The following STX2 variants were observed in gnomAD, a reference collection of about 807,000 sequenced individuals.
The protein encoded by STX2 is syntaxin 2, also known as syntaxin-2.
Under a neutral mutation model 40.6 loss-of-function variants are expected in STX2, and 27 were observed. The observed-to-expected ratio is 0.66, with a 90% confidence interval of 0.49 to 0.92. STX2 has a LOEUF of 0.92. Ranked by LOEUF, STX2 falls within the 40% of genes least tolerant of loss-of-function variation. STX2 has a pLI of 0.00. For synonymous variants in STX2, 123 were observed against 119.1 expected, an observed-to-expected ratio of 1.03 and a Z score of -0.22; for missense variants, 328 against 366.1, an observed-to-expected ratio of 0.90 and a Z score of 0.85.
At chr12:130,821,218 C>T (rs747042284) in intron 3 of STX2, among the ~76,000 whole-genome samples, 5 of 152,146 alleles carry the variant, frequency 3.3e-5, no homozygotes, top group East Asian at 1.9e-4. Context: ...CCGTTTCTTC[C>T]GTGCCATCCC....
intron 1 of STX2, 36 bp downstream of exon 1, chr12:130,839,034 G>C (rs1045839269): frequency 7.7e-7 from 1 of 1,306,836 alleles, no homozygotes; most frequent in African/African-American, 1.6e-5. Context: ...CGCCGCCCCG[G>C]CCGGGCCTGA....
rs1340607689 is a variant in STX2 at position 130,799,592 on chromosome 12, G to C, written c.676-957C>G. Reference sequence around the variant, plus strand: ...CAACGGGGCCCCCAAAATCAAAAAGGAGTAAGATCGTCCCATCCCTGCCCT... The same window carrying C: ...CAACGGGGCCCCCAAAATCAAAAAGCAGTAAGATCGTCCCATCCCTGCCCT... On this transcript the variant is annotated intron_variant, in intron 8 of 10. Transcript: ENST00000392373. 9.2e-5 allele frequency among the ~76,000 whole-genome samples: 14 copies of C among 152,186 alleles called. No individual in the cohort carries two copies. In the South Asian group the frequency reaches 1.5e-3, roughly 16 times the overall value.
chr12:130,831,611 G>A (rs191131075), intron 1 of STX2, among the ~76,000 whole-genome samples: 41 of 152,262 alleles, frequency 2.7e-4, no homozygotes, highest in Admixed American at 8.5e-4. Context: ...CCAGCCTGGC[G>A]ATAGAGAGGG....
Position 130,798,612 on chromosome 12 carries a change from T to C in STX2, c.699A>G (p.Glu233=), listed in dbSNP as rs1951109394. 1 of 1,597,308 alleles carries C rather than the reference T, an allele frequency of 6.3e-7. No individual in the cohort carries two copies. Among genetic ancestry groups the C allele is most frequent in the Admixed American group, 1.8e-5 (1 of 55,740 alleles). Residue 233 remains glutamate, a synonymous_variant, in exon 9 of 11, where the codon GAA becomes GAG. Transcript: ENST00000392373. ...ETQGEMINNI[E]RNVMNATDYV... ...AGTCTGTGGCATTCATAACATTTCT[T>C]TCTATGTTGTTGATCATTTCACCCT...
At chr12:130,829,500 T>C (rs1276586139) in intron 1 of STX2, among the ~76,000 whole-genome samples, 2 of 138,612 alleles carry the variant, frequency 1.4e-5, no homozygotes, top group Non-Finnish European at 3.2e-5. Context: ...GGGGAGGAGC[T>C]GTGCTGCGGA....
At chr12:130,830,522 G>A (rs1403508126) in intron 1 of STX2, among the ~76,000 whole-genome samples, 2 of 152,156 alleles carry the variant, frequency 1.3e-5, no homozygotes, top group African/African-American at 2.4e-5. Flanking sequence ...TTCTCTCCCT[G>A]TAGACCAGGA....
At chr12:130,838,752 G>T in intron 1 of STX2, among the ~76,000 whole-genome samples, 1 of 152,094 alleles carries the variant, frequency 6.6e-6, no homozygotes, top group Non-Finnish European at 1.5e-5. Flanking sequence ...AGCCACGCTC[G>T]AAGAGGGGGT....
In STX2 at chr12:130,791,787, G is replaced by A. The variant is rs1018844051; in HGVS notation, c.*236C>T. ...CGTGAACTCATACATTACAAGGTCA[G>A]CACTCGATGCCGGGTTACAGCGTCT... On this transcript the variant is annotated 3_prime_UTR_variant, in exon 11 of 11. Coordinates refer to ENST00000392373, the MANE Select transcript of STX2 (RefSeq NM_194356.4). The A allele has an allele frequency of 2.1e-5, 19 of 924,664 alleles. No homozygotes were observed. The highest frequency in any genetic ancestry group is 2.9e-5 in the Non-Finnish European group (17 of 576,894). 57.3% of individuals were successfully genotyped at this position (924,664 alleles called of 1,614,324 possible). A position where few individuals can be genotyped will look rare whatever the true frequency, so the allele number is the denominator to read the frequency against.
At chr12:130,797,544 C>T (rs757969379) in intron 9 of STX2, among the ~76,000 whole-genome samples, 25 of 152,102 alleles carry the variant, frequency 1.6e-4, no homozygotes, top group Non-Finnish European at 1.6e-4. Flanking sequence ...CCCGGGGGTG[C>T]GTCTCAGGGC....
chr12:130,814,436 CAGA>C (rs1251967446), intron 3 of STX2, among the ~76,000 whole-genome samples: 5 of 151,878 alleles, frequency 3.3e-5, no homozygotes, highest in Non-Finnish European at 1.5e-5. Context: ...CCATTCCAGG[CAGA>C]AGAAGGGTCT....
rs936679200 is a variant in STX2, at chr12:130,798,582, T to C, written c.729A>G (p.Val243=). The C allele has an allele frequency of 6.2e-7, 1 of 1,609,066 alleles. No homozygotes were observed. The highest frequency in any genetic ancestry group is 1.3e-5 in the African/African-American group (1 of 74,760). Residue 243 remains valine (V), a synonymous_variant, in exon 9 of 11, where the codon GTA becomes GTG. Transcript: ENST00000392373. ...ERNVMNATDY[V]EHAKEETKKA... is the part of the protein sequence containing the mutation. ...TTTTTGTTTCTTCTTTAGCGTGTTC[T>C]ACATAGTCTGTGGCATTCATAACAT... is the stretch of plus-strand genomic sequence containing the variant.
intron 3 of STX2, among the ~76,000 whole-genome samples, chr12:130,814,180 GACA>G (rs1260096396): frequency 6.6e-6 from 1 of 151,822 alleles, no homozygotes; most frequent in East Asian, 1.9e-4. Flanking sequence ...ACGCACCAGT[GACA>G]CCTACTGAGT....
chr12:130,797,543 G>A (rs1951069652), intron 9 of STX2, among the ~76,000 whole-genome samples: 1 of 152,174 alleles, frequency 6.6e-6, no homozygotes, highest in African/African-American at 2.4e-5. Context: ...GCCCGGGGGT[G>A]CGTCTCAGGG....
intron 4 of STX2, chr12:130,812,449 G>A (rs1054487539): frequency 2.7e-5 from 11 of 412,784 alleles, no homozygotes; most frequent in Middle Eastern, 3.5e-4. Context: ...GAAACCTGCC[G>A]TAATAAAAGT....
At chr12:130,831,065 G>A (rs4759524) in intron 1 of STX2, among the ~76,000 whole-genome samples, 74,368 of 152,096 alleles carry the variant, frequency 0.49, 20,373 homozygotes, top group East Asian at 0.87. Flanking sequence ...GTAGCTTCCT[G>A]GTTTAGAGAC....
intron 10 of STX2, among the ~76,000 whole-genome samples, chr12:130,795,661 G>A (rs1399918931): frequency 6.6e-6 from 1 of 152,188 alleles, no homozygotes; most frequent in African/African-American, 2.4e-5. Context: ...GACAGTTTTA[G>A]CCCAGGAGGT....
chr12:130,838,939 C>T, intron 1 of STX2, 131 bp downstream of exon 1: 1 of 992,558 alleles, frequency 1.0e-6, no homozygotes, highest in Non-Finnish European at 1.3e-6. Context: ...CCGCAGCCCC[C>T]GCCCCAGAAC....
rs73459522 is a variant in STX2, at chr12:130,832,823, T to C, written c.31-5556A>G. On this transcript the variant is annotated intron_variant, in intron 1 of 10. Transcript: ENST00000392373. ...AGCATCTTTCTGTCCCTTGCATGAC[T>C]TCGTTCCCAACTCTGGGCCTCTGGA... Among the ~76,000 whole-genome samples the C allele has an allele frequency of 4.4e-3, 670 of 152,278 alleles. 9 individuals carry two copies. The highest frequency in any genetic ancestry group is 0.016 in the African/African-American group (647 of 41,550).
intron 3 of STX2, among the ~76,000 whole-genome samples, chr12:130,818,181 AAAAAAT>A (rs1324500910): frequency 2.5e-4 from 5 of 20,174 alleles, no homozygotes; most frequent in African/African-American, 9.1e-4. Flanking sequence ...AAAAAAAAAA[AAAAAAT>A]ATATATATAT....
Sources: allele counts gnomAD v4.1 joint callset (sites outside exome capture counted in the v4.1 genomes callset), GRCh38; gene constraint gnomAD v4.1.1; transcripts MANE v1.5; gene names NCBI Gene and HGNC (gene_info 2026-07-23, HGNC 2026-07-21).